Variants in DOCK4 observed in about 807,000 individuals in gnomAD.
DOCK4 encodes dedicator of cytokinesis 4.
In DOCK4, 97 loss-of-function variants were observed where a neutral mutation model predicts 268.1. The ratio of observed to expected loss-of-function variants is 0.36; its 90% CI spans 0.31 to 0.43. The LOEUF (loss-of-function observed/expected upper bound fraction) is 0.43. Ranked by LOEUF, DOCK4 falls within the 20% of genes least tolerant of loss-of-function variation. The probability of loss-of-function intolerance (pLI) is 1.00; values close to 1 mark genes in which losing one functional copy is unlikely to be tolerated. For synonymous variants in DOCK4, 954 were observed against 887.2 expected (o/e 1.08, Z -1.34); for missense variants, 2,145 against 2,455.7 (o/e 0.87, Z 2.67).
At chr7:111,909,693 C>G (rs562772768) in intron 13 of DOCK4, among the ~76,000 whole-genome samples, 4 of 152,204 alleles carry the variant, frequency 2.6e-5, no homozygotes, top group Admixed American at 2.6e-4. Flanking sequence ...GGCATGGTGG[C>G]CCATGCCTGT....
Position 111,788,663 on chromosome 7 carries a change from T to G in DOCK4, c.3400A>C (p.Ile1134Leu), listed in dbSNP as rs367545315. 2 of 1,577,736 alleles carry G rather than the reference T, an allele frequency of 1.3e-6. No homozygotes were observed. The highest frequency in any genetic ancestry group is 2.3e-5 in the South Asian group (2 of 86,132). ...DETYRELFNS[I>L]IPLFGPYPSL... ...ACTTGAGATAAACATATTACTCACA[T>G]ACTGTTGAAGAGCTCGCGGTATGTT... Residue 1134 changes from isoleucine (I) to leucine (L), a missense_variant and splice_region_variant, in exon 32 of 53, where the codon ATA becomes CTA. Ile to Leu is a conservative substitution (Grantham distance 5, BLOSUM62 2). This residue lies in a region of DOCK4 where 1,598 missense variants were observed against 1,986.7 expected (regional missense o/e 0.80). Transcript: ENST00000428084.
At chr7:111,912,706 G>A (rs1309913910) in intron 13 of DOCK4, among the ~76,000 whole-genome samples, 1 of 151,932 alleles carries the variant, frequency 6.6e-6, no homozygotes, top group Admixed American at 6.6e-5. Context: ...GAAAATAAGA[G>A]GTCCAGACAC....
At chr7:112,122,433 CT>C (rs1812817581) in intron 1 of DOCK4, among the ~76,000 whole-genome samples, 1 of 151,820 alleles carries the variant, frequency 6.6e-6, no homozygotes, top group Non-Finnish European at 1.5e-5. Context: ...CTTTTTTCTT[CT>C]TCTTCTTATT....
At position 111,974,654 on chromosome 7, in the gene DOCK4, AG is replaced by A. The variant is rs145706590; in HGVS notation, c.701+2477del. ...AGAGGGAAAAGTGGAGGGAGAGACC[AG>A]GGGGAAGTAGGCAGGCATGGCAGCC... On this transcript the variant is annotated intron_variant, in intron 8 of 52. Transcript: ENST00000428084. Among the ~76,000 whole-genome samples, 3 of 151,672 alleles carry A rather than the reference AG, an allele frequency of 2.0e-5. No individual in the cohort carries two copies. The East Asian group carries it at 5.8e-4, about 30-fold the overall frequency.
chr7:112,049,956 C>T (rs1424645300), intron 1 of DOCK4, among the ~76,000 whole-genome samples: 1 of 152,098 alleles, frequency 6.6e-6, no homozygotes, highest in Non-Finnish European at 1.5e-5. Context: ...ACCCAGGGCA[C>T]ATGGATATAA....
At chr7:112,141,307 AATCTGTGATGGTTCACT>A (rs1313689170) in intron 1 of DOCK4, among the ~76,000 whole-genome samples, 5 of 152,210 alleles carry the variant, frequency 3.3e-5, no homozygotes, top group African/African-American at 1.2e-4. Flanking sequence ...AAAAACTTGC[AATCTGTGATGGTTCACT>A]ATATGTGTCA....
chr7:112,113,205 C>T (rs1002606403), intron 1 of DOCK4, among the ~76,000 whole-genome samples: 4 of 152,108 alleles, frequency 2.6e-5, no homozygotes, highest in South Asian at 4.1e-4. Flanking sequence ...GAGATCTGTT[C>T]GTGAGTTCCC....
chr7:111,867,953 C>G (rs375377633), intron 22 of DOCK4, 31 bp downstream of exon 22: 1 of 1,508,182 alleles, frequency 6.6e-7, no homozygotes, highest in East Asian at 2.4e-5. Context: ...TTATCGTTTT[C>G]TTCTATTCAG....
chr7:112,124,639 T>C (rs942330908), intron 1 of DOCK4, among the ~76,000 whole-genome samples: 5 of 152,200 alleles, frequency 3.3e-5, no homozygotes, highest in African/African-American at 1.2e-4. Flanking sequence ...TCCTCATTTA[T>C]AAAATGGGAA....
At chr7:112,068,827 C>T (rs748519783) in intron 1 of DOCK4, among the ~76,000 whole-genome samples, 72 of 152,196 alleles carry the variant, frequency 4.7e-4, no homozygotes, top group Non-Finnish European at 7.6e-4. Context: ...ATTCAGAGAG[C>T]CCTGAGATGT....
At chr7:112,201,458 C>T (rs971721631) in intron 1 of DOCK4, among the ~76,000 whole-genome samples, 2 of 152,186 alleles carry the variant, frequency 1.3e-5, no homozygotes, top group Non-Finnish European at 2.9e-5. Context: ...AGCCCGTGTT[C>T]TCCTGTCAAG....
intron 30 of DOCK4, among the ~76,000 whole-genome samples, chr7:111,805,229 C>A (rs1264226300): frequency 6.6e-6 from 1 of 152,152 alleles, no homozygotes; most frequent in African/African-American, 2.4e-5. Flanking sequence ...CGGATTCATT[C>A]CTGTAGACAT....
chr7:112,172,542 T>C (rs1818178110), intron 1 of DOCK4, among the ~76,000 whole-genome samples: 1 of 152,204 alleles, frequency 6.6e-6, no homozygotes, highest in African/African-American at 2.4e-5. Context: ...ACTGCCAGTA[T>C]TAAAAACAGA....
intron 10 of DOCK4, among the ~76,000 whole-genome samples, chr7:111,941,432 G>GA (rs750682258): frequency 9.9e-5 from 15 of 150,968 alleles, no homozygotes; most frequent in South Asian, 2.1e-4. Flanking sequence ...TTTTTTAAAT[G>GA]AAAAAAAAGG....
chr7:112,197,492 T>C (rs541864031), intron 1 of DOCK4, among the ~76,000 whole-genome samples: 128 of 152,308 alleles, frequency 8.4e-4, no homozygotes, highest in African/African-American at 3.0e-3. Context: ...GCATGAAATA[T>C]TTGTTTGGGA....
At chr7:111,941,596 G>A (rs1795197556) in intron 10 of DOCK4, among the ~76,000 whole-genome samples, 2 of 151,888 alleles carry the variant, frequency 1.3e-5, no homozygotes, top group East Asian at 1.9e-4. Flanking sequence ...TAAGATTTCT[G>A]AGTGGAGCAC....
At chr7:111,734,948 C>G in intron 51 of DOCK4, 106 bp downstream of exon 51, 1 of 868,990 alleles carries the variant, frequency 1.2e-6, no homozygotes, top group South Asian at 1.5e-5. Context: ...AGGTTTTTAT[C>G]CCAGAAATCA....
intron 39 of DOCK4, 126 bp from the exon 40 acceptor site, chr7:111,760,448 C>G (rs557691874): frequency 3.2e-6 from 3 of 948,192 alleles, no homozygotes; most frequent in Non-Finnish European, 4.7e-6. Flanking sequence ...ACAAAAATTA[C>G]GCTGGAACAA....
chr7:111,909,865 G>C (rs1434802943), intron 13 of DOCK4, among the ~76,000 whole-genome samples: 6 of 152,044 alleles, frequency 3.9e-5, no homozygotes, highest in Non-Finnish European at 8.8e-5. Context: ...AAGAGGCTAA[G>C]GCAGGAGAAT....
Sources: gnomAD v4.1 joint callset for allele counts (sites outside exome capture counted in the v4.1 genomes callset) on GRCh38, gnomAD v4.1.1 for gene constraint, gnomAD v4.1.1 regional missense constraint, MANE v1.5 for transcripts, NCBI Gene and HGNC (gene_info 2026-07-23, HGNC 2026-07-21) for gene names.